The following PPP1R12B variants were observed in gnomAD, a reference collection of about 807,000 sequenced individuals.
PPP1R12B encodes the protein myosin phosphatase target subunit 2.
Under a neutral mutation model 126.1 loss-of-function variants are expected in PPP1R12B, and 76 were observed. That is an observed-to-expected ratio of 0.60 (90% CI 0.50 to 0.73). The LOEUF (loss-of-function observed/expected upper bound fraction) is 0.73, where lower values mean the gene tolerates loss of function less well. Ranked by LOEUF, PPP1R12B falls within the 30% of genes least tolerant of loss-of-function variation. The pLI, the probability that PPP1R12B is intolerant of heterozygous loss-of-function variation, is 0.00. For missense variants in PPP1R12B, 1,052 were observed against 1,205.1 expected, an observed-to-expected ratio of 0.87 and a Z score of 1.88; for synonymous variants, 356 against 434.7, an observed-to-expected ratio of 0.82 and a Z score of 2.25.
intron 1 of PPP1R12B, among the ~76,000 whole-genome samples, chr1:202,404,987 A>G (rs1666392070): frequency 6.6e-6 from 1 of 152,172 alleles, no homozygotes. Flanking sequence ...TTTTATTACT[A>G]CATCTCCACC....
chr1:202,492,730 G>C (rs1297888179), intron 14 of PPP1R12B, among the ~76,000 whole-genome samples: 1 of 151,996 alleles, frequency 6.6e-6, no homozygotes, highest in African/African-American at 2.4e-5. Context: ...TTTTTCCCCA[G>C]TATCTGCTGT....
intron 1 of PPP1R12B, among the ~76,000 whole-genome samples, chr1:202,406,434 T>C (rs1156999910): frequency 3.3e-5 from 5 of 152,248 alleles, no homozygotes; most frequent in Admixed American, 6.5e-5. Flanking sequence ...TAGACTAATA[T>C]CAGTTTACAC....
intron 8 of PPP1R12B, among the ~76,000 whole-genome samples, chr1:202,432,431 C>T (rs1466407003): frequency 6.6e-6 from 1 of 152,012 alleles, no homozygotes. Context: ...TCATGCCCAG[C>T]TAATTTTAGT....
At chr1:202,440,398 G>GGC (rs111463946) in intron 10 of PPP1R12B, among the ~76,000 whole-genome samples, 96 of 152,292 alleles carry the variant, frequency 6.3e-4, no homozygotes, top group African/African-American at 2.1e-3. Context: ...TTCTGTTTGT[G>GGC]TCTTCAAAGG....
At chr1:202,538,057 C>T (rs1481385634) in intron 18 of PPP1R12B, among the ~76,000 whole-genome samples, 1 of 152,244 alleles carries the variant, frequency 6.6e-6, no homozygotes, top group Non-Finnish European at 1.5e-5. Context: ...GGCACGATCT[C>T]AAGGCTTACC....
At chr1:202,447,498 A>G (rs903717517) in intron 12 of PPP1R12B, among the ~76,000 whole-genome samples, 9 of 152,200 alleles carry the variant, frequency 5.9e-5, no homozygotes, top group Admixed American at 3.3e-4. Context: ...CTATTTTATC[A>G]ATGAAGAAGA....
At chr1:202,408,262 TCA>T (rs1258317725) in intron 1 of PPP1R12B, among the ~76,000 whole-genome samples, 1 of 151,250 alleles carries the variant, frequency 6.6e-6, no homozygotes, top group African/African-American at 2.4e-5. Context: ...TATCCCAGTT[TCA>T]GTCCTCAGCC....
chr1:202,436,855 T>G (rs1028385383), intron 9 of PPP1R12B, among the ~76,000 whole-genome samples: 2 of 151,982 alleles, frequency 1.3e-5, no homozygotes, highest in Non-Finnish European at 2.9e-5. Flanking sequence ...TCTAGTTTTT[T>G]TTTTGTTTTT....
chr1:202,449,945 C>T (rs1313741361), intron 13 of PPP1R12B, among the ~76,000 whole-genome samples: 1 of 152,200 alleles, frequency 6.6e-6, no homozygotes, highest in East Asian at 1.9e-4. Context: ...CTCGGCCTCC[C>T]AAAGTGCTGG....
intron 1 of PPP1R12B, among the ~76,000 whole-genome samples, chr1:202,376,781 A>G (rs577457246): frequency 6.6e-6 from 1 of 152,296 alleles, no homozygotes; most frequent in East Asian, 1.9e-4. Context: ...TAGTGCACTA[A>G]CCAGAGTTCA....
chr1:202,541,661 C>G (rs1384673140), intron 18 of PPP1R12B, among the ~76,000 whole-genome samples: 1 of 152,186 alleles, frequency 6.6e-6, no homozygotes, highest in Non-Finnish European at 1.5e-5. Context: ...TGTCTCTTCA[C>G]CACTATAACC....
Position 202,584,366 on chromosome 1 carries a change from A to G in PPP1R12B, c.*3806A>G, listed in dbSNP as rs1203246636. The G allele has an allele frequency of 6.6e-6, 1 of 152,188 alleles. No homozygotes were observed. Among genetic ancestry groups the G allele is most frequent in the Non-Finnish European group, 1.5e-5 (1 of 68,026 alleles). 9.4% of individuals were successfully genotyped at this position (152,188 alleles called of 1,614,324 possible). On this transcript the variant is annotated 3_prime_UTR_variant, in exon 24 of 24. Transcript: ENST00000608999. ...TTTACCCATTTCCCTTCCCCAAACC[A>G]TGTGCTTATTAGATGGTTCCACTCA...
In PPP1R12B at chr1:202,580,463, T is replaced by C; in HGVS notation, c.2863-11T>C. On this transcript the variant is annotated splice_polypyrimidine_tract_variant and intron_variant, in intron 23 of 23. Coordinates refer to ENST00000608999, the MANE Select transcript of PPP1R12B (RefSeq NM_002481.4). ...AGGCTCTAACTCACCTTTCCCTCTGTCACCCTACAGGTGTTAACAGAACTG... is the reference window on the plus strand; with the variant it reads ...AGGCTCTAACTCACCTTTCCCTCTGCCACCCTACAGGTGTTAACAGAACTG... 6.2e-7 allele frequency: 1 copy of C among 1,610,268 alleles called. No homozygotes were observed. The highest frequency in any genetic ancestry group is 1.1e-5 in the South Asian group (1 of 91,000).
At chr1:202,503,439 C>T (rs532603813) in intron 18 of PPP1R12B, among the ~76,000 whole-genome samples, 144 of 152,302 alleles carry the variant, frequency 9.5e-4, no homozygotes, top group African/African-American at 3.3e-3. Flanking sequence ...CATATTTCTA[C>T]ATGGAAATGT....
chr1:202,516,381 A>G (rs1379818277), intron 18 of PPP1R12B, among the ~76,000 whole-genome samples: 2 of 152,194 alleles, frequency 1.3e-5, no homozygotes, highest in East Asian at 1.9e-4. Context: ...TATAGCTACC[A>G]ATAGTCCTCT....
chr1:202,454,545 TGAAAAA>T (rs1673378583), intron 13 of PPP1R12B, among the ~76,000 whole-genome samples: 3 of 152,018 alleles, frequency 2.0e-5, no homozygotes, highest in African/African-American at 7.2e-5. Context: ...AATATGCTAG[TGAAAAA>T]GAAAAATGTA....
At chr1:202,517,052 C>G (rs968069131) in intron 18 of PPP1R12B, among the ~76,000 whole-genome samples, 26 of 152,164 alleles carry the variant, frequency 1.7e-4, no homozygotes, top group Non-Finnish European at 1.5e-5. Context: ...GAGAGAAAGT[C>G]TAATTCAGGG....
At chr1:202,351,373 G>T (rs543429117) in intron 1 of PPP1R12B, among the ~76,000 whole-genome samples, 2 of 151,996 alleles carry the variant, frequency 1.3e-5, no homozygotes, top group Non-Finnish European at 2.9e-5. Flanking sequence ...CAAGTAGCTG[G>T]AACTATAGGT....
intron 1 of PPP1R12B, among the ~76,000 whole-genome samples, chr1:202,349,705 T>C (rs1050565960): frequency 9.2e-5 from 14 of 152,316 alleles, no homozygotes; most frequent in Non-Finnish European, 1.2e-4. Flanking sequence ...TGGACCTCGT[T>C]GTTTTAGGTA....
Sources: allele counts gnomAD v4.1 joint callset (sites outside exome capture counted in the v4.1 genomes callset), GRCh38; gene constraint gnomAD v4.1.1; transcripts MANE v1.5; gene names NCBI Gene and HGNC (gene_info 2026-07-23, HGNC 2026-07-21).